SCN11A: variants seen among roughly 807,000 people sequenced by gnomAD.
SCN11A encodes sodium voltage-gated channel alpha subunit 11, also known as sodium channel protein type 11 subunit alpha.
Under a neutral mutation model 162.2 loss-of-function variants are expected in SCN11A, and 122 were observed. The observed-to-expected ratio is 0.75, with a 90% CI of 0.65 to 0.87. The LOEUF is 0.87. Among genes scored for constraint, SCN11A ranks in the 40% least tolerant of loss-of-function variants. SCN11A has a pLI of 0.00. For synonymous variants in SCN11A, 758 were observed against 751.5 expected, an observed-to-expected ratio of 1.01 and a Z score of -0.14; for missense variants, 2,015 against 2,181.6, an observed-to-expected ratio of 0.92 and a Z score of 1.52.
rs190244646 is a variant in SCN11A at position 38,970,764 on chromosome 3, T to A, written c.-279-10341A>T. Reference sequence around the variant, plus strand: ...CTATAACACCCCGCATGATGTTGCCTTCTGAGAAGAGGTCAGCACCATGGG... The same window carrying A: ...CTATAACACCCCGCATGATGTTGCCATCTGAGAAGAGGTCAGCACCATGGG... On this transcript the variant is annotated intron_variant, in intron 2 of 29. Coordinates refer to ENST00000302328, the MANE Select transcript of SCN11A (RefSeq NM_001349253.2). 8.9e-4 allele frequency among the ~76,000 whole-genome samples: 135 copies of A among 152,312 alleles called. 1 individual carries two copies. The highest frequency in any genetic ancestry group is 3.2e-3 in the African/African-American group (133 of 41,564).
intron 15 of SCN11A, 34 bp downstream of exon 15, chr3:38,905,158 T>A: frequency 6.2e-7 from 1 of 1,613,406 alleles, no homozygotes; most frequent in Non-Finnish European, 8.5e-7. Context: ...ATCACTGAAG[T>A]AGACTTTCCC....
At chr3:38,974,996 A>T (rs958911452) in intron 2 of SCN11A, among the ~76,000 whole-genome samples, 2 of 151,486 alleles carry the variant, frequency 1.3e-5, no homozygotes, top group Non-Finnish European at 2.9e-5. Flanking sequence ...TGTACCAATG[A>T]ACGGCAATTT....
chr3:38,982,138 T>C (rs2030081211), intron 2 of SCN11A, among the ~76,000 whole-genome samples: 1 of 152,174 alleles, frequency 6.6e-6, no homozygotes, highest in African/African-American at 2.4e-5. Context: ...TGACACGTAG[T>C]GCAAAAGGAG....
chr3:39,041,076 T>C (rs2032040550), intron 1 of SCN11A, among the ~76,000 whole-genome samples: 1 of 152,128 alleles, frequency 6.6e-6, no homozygotes, highest in Non-Finnish European at 1.5e-5. Context: ...AGCAAGACTC[T>C]GTCTCAAAAA....
intron 1 of SCN11A, among the ~76,000 whole-genome samples, chr3:39,035,199 T>C (rs1464394651): frequency 6.6e-6 from 1 of 152,152 alleles, no homozygotes; most frequent in Non-Finnish European, 1.5e-5. Flanking sequence ...TCAAATTATA[T>C]TACAGAGCCA....
Position 38,847,725 on chromosome 3 carries a change from A to G in SCN11A, c.4345T>C (p.Leu1449=), listed in dbSNP as rs751744598. 1.2e-6 allele frequency: 2 copies of G among 1,602,710 alleles called. No individual in the cohort carries two copies. Among genetic ancestry groups the G allele is most frequent in the East Asian group, 4.5e-5 (2 of 44,728 alleles). ...LSIVSTMIST[L]ENQEHIPFPP... ...AAAGGAATGTGCTCCTGATTTTCCA[A>G]GGTAGAAATCATTGTACCTCAGGAG... Residue 1449 remains leucine (L), a synonymous_variant, in exon 30 of 30, where the codon TTG becomes CTG. Coordinates refer to ENST00000302328, the MANE Select transcript of SCN11A (RefSeq NM_001349253.2).
chr3:39,038,509 T>A (rs1337591436), intron 1 of SCN11A, among the ~76,000 whole-genome samples: 1 of 152,194 alleles, frequency 6.6e-6, no homozygotes, highest in East Asian at 1.9e-4. Flanking sequence ...ATATAACCAT[T>A]GCTTCCAATG....
In SCN11A at chr3:38,976,076, T is replaced by C. The variant is rs887369788; in HGVS notation, c.-279-15653A>G. ...ATAAAGAGAAAACACATAATAAGCA[T>C]AATAAGATAGTATAAATATATTTTA... is the stretch of plus-strand genomic sequence containing the variant. On this transcript the variant is annotated intron_variant, in intron 2 of 29. Transcript: ENST00000302328. Among the ~76,000 whole-genome samples the C allele has an allele frequency of 2.0e-5, 3 of 152,122 alleles. No individual in the cohort carries two copies. In the South Asian group the frequency reaches 6.2e-4, roughly 32 times the overall value.
chr3:39,030,455 C>T (rs1242012601), intron 2 of SCN11A, among the ~76,000 whole-genome samples: 2 of 152,112 alleles, frequency 1.3e-5, no homozygotes, highest in African/African-American at 2.4e-5. Context: ...ACCACTATGG[C>T]CTGAGGATTG....
At chr3:39,013,808 C>T (rs2031211775) in intron 2 of SCN11A, among the ~76,000 whole-genome samples, 1 of 152,238 alleles carries the variant, frequency 6.6e-6, no homozygotes. Context: ...AAGGGATATG[C>T]AGCAACAGCA....
chr3:38,995,381 A>G (rs1168091941), intron 2 of SCN11A, among the ~76,000 whole-genome samples: 2 of 152,118 alleles, frequency 1.3e-5, no homozygotes, highest in African/African-American at 4.8e-5. Context: ...CGGCCTCCCA[A>G]AGTGCTGGAA....
chr3:38,973,380 ACAC>A (rs2066829134), intron 2 of SCN11A, among the ~76,000 whole-genome samples: 1 of 151,362 alleles, frequency 6.6e-6, no homozygotes, highest in African/African-American at 2.4e-5. Flanking sequence ...GTCAACAGTA[ACAC>A]CACATAAATG....
intron 2 of SCN11A, among the ~76,000 whole-genome samples, chr3:38,997,793 A>C (rs1182284424): frequency 6.6e-6 from 1 of 152,274 alleles, no homozygotes; most frequent in African/African-American, 2.4e-5. Context: ...AAAGGAGCAT[A>C]GGCCTTAGAC....
intron 2 of SCN11A, among the ~76,000 whole-genome samples, chr3:39,008,900 T>G (rs1172568531): frequency 2.6e-5 from 4 of 151,100 alleles, no homozygotes; most frequent in Non-Finnish European, 5.9e-5. Context: ...AAAAAAAAAG[T>G]ATGTATATAT....
At chr3:38,947,939 G>A (rs1017976724) in intron 5 of SCN11A, among the ~76,000 whole-genome samples, 5 of 152,210 alleles carry the variant, frequency 3.3e-5, no homozygotes, top group Non-Finnish European at 7.3e-5. Context: ...TCTCAGGCAG[G>A]AGAGACAGAC....
intron 1 of SCN11A, among the ~76,000 whole-genome samples, chr3:39,042,250 C>G (rs538918040): frequency 1.3e-5 from 2 of 152,208 alleles, no homozygotes; most frequent in African/African-American, 4.8e-5. Context: ...GCCTGAGAGA[C>G]AGAGCAAGAC....
chr3:38,901,193 T>G (rs2065694006), intron 16 of SCN11A, among the ~76,000 whole-genome samples: 1 of 152,216 alleles, frequency 6.6e-6, no homozygotes, highest in African/African-American at 2.4e-5. Flanking sequence ...GATTTACTAT[T>G]TATTTTTAAA....
rs1170531316 is a variant in SCN11A, at chr3:38,905,376, A to G, written c.1474-55T>C. On this transcript the variant is annotated intron_variant, in intron 14 of 29. Coordinates refer to ENST00000302328, the MANE Select transcript of SCN11A (RefSeq NM_001349253.2). ...AAGACAGGGGCTGCCTCTCCTCAAA[A>G]CTTAACAAACTACTTTGTTCCAATG... The G allele has an allele frequency of 2.5e-6, 4 of 1,577,816 alleles. 1 individual carries two copies. The South Asian group carries it at 4.7e-5, about 18-fold the overall frequency.
At chr3:38,878,326 G>A (rs563502980) in intron 23 of SCN11A, among the ~76,000 whole-genome samples, 1 of 151,552 alleles carries the variant, frequency 6.6e-6, no homozygotes, top group African/African-American at 2.4e-5. Flanking sequence ...AGTGAATTTG[G>A]GCAATTTATA....
Sources: allele counts gnomAD v4.1 joint callset (sites outside exome capture counted in the v4.1 genomes callset), GRCh38; gene constraint gnomAD v4.1.1; transcripts MANE v1.5; gene names NCBI Gene and HGNC (gene_info 2026-07-23, HGNC 2026-07-21).